The following KDM2A variants were observed in gnomAD, a reference collection of about 807,000 sequenced individuals.
KDM2A encodes lysine-specific demethylase 2A.
Under a neutral mutation model 137.3 loss-of-function variants are expected in KDM2A, and 3 were observed. That is an observed-to-expected ratio of 0.02 (90% CI 0.01 to 0.06). KDM2A has a LOEUF of 0.06. Ranked by LOEUF, KDM2A falls within the 10% of genes least tolerant of loss-of-function variation. The pLI is 1.00. For synonymous variants in KDM2A, 512 were observed against 541.5 expected (o/e 0.95, Z 0.76); for missense variants, 738 against 1,510.6 (o/e 0.49, Z 8.48).
Position 67,231,669 on chromosome 11 carries a change from A to C in KDM2A, c.1188A>C (p.Val396=). 1 of 1,613,866 alleles carries C rather than the reference A, an allele frequency of 6.2e-7. No homozygotes were observed. Among genetic ancestry groups the C allele is most frequent in the Non-Finnish European group, 8.5e-7 (1 of 1,179,844 alleles). Residue 396 remains valine, a synonymous_variant, in exon 12 of 21, where the codon GTA becomes GTC. Coordinates refer to ENST00000529006, the MANE Select transcript of KDM2A (RefSeq NM_012308.3). ...SSRRSVLTSP[V]ANGVNLDYDG... ...GGCGTTCTGTCCTCACTAGCCCTGTAGCGAATGGAGTCAACCTGGATTATG... is the reference window on the plus strand; with the variant it reads ...GGCGTTCTGTCCTCACTAGCCCTGTCGCGAATGGAGTCAACCTGGATTATG...
In KDM2A at chr11:67,245,719, C is replaced by G; in HGVS notation, c.1833+261C>G. The G allele has an allele frequency of 1.7e-6, 1 of 602,178 alleles. No homozygotes were observed. Among genetic ancestry groups the G allele is most frequent in the African/African-American group, 1.9e-5 (1 of 54,042 alleles). The allele number at this position is 602,178 out of a possible 1,614,324, so 37.3% of individuals were successfully genotyped here. On this transcript the variant is annotated intron_variant, in intron 14 of 20. Transcript: ENST00000529006. This position sits in a 1 kb window ranked among gnomAD's most constrained non-coding sequence, Gnocchi z 4.1. ...AGGGCAAATCATTGCTTTCTTTCCC[C>G]TCTTCAGGTAGATTAGAAAGGACCG...
chr11:67,193,005 G>T (rs950136043), intron 5 of KDM2A, among the ~76,000 whole-genome samples: 18 of 151,860 alleles, frequency 1.2e-4, no homozygotes, highest in Admixed American at 2.0e-4. Flanking sequence ...TTTTGGCTAG[G>T]GGGTATCAGA....
At chr11:67,251,480 T>C (rs1859426217) in intron 17 of KDM2A, among the ~76,000 whole-genome samples, 1 of 152,254 alleles carries the variant, frequency 6.6e-6, no homozygotes, top group African/African-American at 2.4e-5. Context: ...TGGTTTTTCC[T>C]TAAACTCTGG....
intron 2 of KDM2A, among the ~76,000 whole-genome samples, chr11:67,140,773 A>G (rs1856082234): frequency 6.6e-6 from 1 of 152,062 alleles, no homozygotes; most frequent in Non-Finnish European, 1.5e-5. Context: ...AGTTACAAGT[A>G]TACTTTTGAT....
intron 5 of KDM2A, among the ~76,000 whole-genome samples, chr11:67,204,384 AATCT>A: frequency 6.6e-6 from 1 of 152,208 alleles, no homozygotes; most frequent in Non-Finnish European, 1.5e-5. Flanking sequence ...GGCAACAACA[AATCT>A]ATTCTGTCTT....
chr11:67,235,164 AAAAG>A (rs1224667371), intron 12 of KDM2A, among the ~76,000 whole-genome samples: 2 of 151,734 alleles, frequency 1.3e-5, no homozygotes, highest in Non-Finnish European at 2.9e-5. Flanking sequence ...AAAAAAAGAA[AAAAG>A]AAAGGAAGTA....
chr11:67,233,004 C>T (rs1858762302), intron 12 of KDM2A, among the ~76,000 whole-genome samples: 1 of 152,052 alleles, frequency 6.6e-6, no homozygotes, highest in Non-Finnish European at 1.5e-5. Context: ...GCCTCCACAC[C>T]CAACCTTGAG....
At position 67,252,552 on chromosome 11, in the gene KDM2A, AAAT is replaced by A; in HGVS notation, c.2769-141_2769-139del. ...TTTTTTGCCTATTCTGTGAGGCAAAAAATGATAAGGTGTGATCCCTGTACACTT... is the reference window on the plus strand; with the variant it reads ...TTTTTTGCCTATTCTGTGAGGCAAAAGATAAGGTGTGATCCCTGTACACTT... On this transcript the variant is annotated intron_variant, in intron 17 of 20. Coordinates refer to ENST00000529006, the MANE Select transcript of KDM2A (RefSeq NM_012308.3). 4.2e-6 allele frequency: 4 copies of A among 942,668 alleles called. No homozygotes were observed. In the South Asian group the frequency reaches 5.8e-5, roughly 14 times the overall value. 58.4% of individuals were successfully genotyped at this position (942,668 alleles called of 1,614,324 possible).
intron 5 of KDM2A, among the ~76,000 whole-genome samples, chr11:67,189,167 A>G (rs1857283389): frequency 6.6e-6 from 1 of 152,256 alleles, no homozygotes; most frequent in South Asian, 2.1e-4. Flanking sequence ...GTTAGGCTAC[A>G]GATTAAATAT....
At chr11:67,247,072 T>TATATATATATATATATATA (rs1491570916) in intron 15 of KDM2A, among the ~76,000 whole-genome samples, 1 of 18,354 alleles carries the variant, frequency 5.4e-5, no homozygotes, top group African/African-American at 2.0e-4. Flanking sequence ...TATATATATA[T>TATATATATATATATATATA]TTTTTTTTTT....
intron 3 of KDM2A, among the ~76,000 whole-genome samples, chr11:67,180,676 G>A (rs900300971): frequency 2.6e-5 from 4 of 151,322 alleles, no homozygotes; most frequent in Admixed American, 1.3e-4. Flanking sequence ...TTTTGGAGAC[G>A]GAGTCTTGCT....
chr11:67,245,100 C>G lies in KDM2A; in HGVS notation c.1564-89C>G, dbSNP rs1859165140. ...AGATCTGGCCATAGTGGGCCAAGCCCCAGGCTAGGTATGCTACCATGTAAT... is the reference window on the plus strand; with the variant it reads ...AGATCTGGCCATAGTGGGCCAAGCCGCAGGCTAGGTATGCTACCATGTAAT... On this transcript the variant is annotated intron_variant, in intron 13 of 20. Coordinates refer to ENST00000529006, the MANE Select transcript of KDM2A (RefSeq NM_012308.3). The surrounding 1 kb of genome is among the most constrained non-coding windows in gnomAD (Gnocchi z 4.1). The G allele has an allele frequency of 6.8e-7, 1 of 1,472,038 alleles. No homozygotes were observed. The highest frequency in any genetic ancestry group is 1.9e-5 in the Admixed American group (1 of 53,734). 91.2% of individuals were successfully genotyped at this position (1,472,038 alleles called of 1,614,324 possible). A position where few individuals can be genotyped will look rare whatever the true frequency, so the allele number is the denominator to read the frequency against.
At chr11:67,144,789 C>T (rs1318737004) in intron 2 of KDM2A, among the ~76,000 whole-genome samples, 1 of 151,758 alleles carries the variant, frequency 6.6e-6, no homozygotes, top group African/African-American at 2.4e-5. Flanking sequence ...TGGTCTTGAA[C>T]TCCTGGCCTC....
chr11:67,225,498 C>T (rs564029954), intron 10 of KDM2A, among the ~76,000 whole-genome samples: 15 of 151,366 alleles, frequency 9.9e-5, no homozygotes, highest in Non-Finnish European at 1.9e-4. Context: ...TGGCCAGTCA[C>T]GCTGGCTCAC....
chr11:67,157,435 T>C (rs1856542964), intron 2 of KDM2A, among the ~76,000 whole-genome samples: 1 of 151,270 alleles, frequency 6.6e-6, no homozygotes, highest in African/African-American at 2.4e-5. Flanking sequence ...AGCAAAAAAA[T>C]TCCTGGTTTC....
rs1178664695 is a variant in KDM2A at position 67,245,003 on chromosome 11, G to T, written c.1564-186G>T. 5 of 492,266 alleles carry T rather than the reference G, an allele frequency of 1.0e-5. No individual in the cohort carries two copies. Among genetic ancestry groups the T allele is most frequent in the Non-Finnish European group, 1.7e-5 (5 of 286,364 alleles). The allele number at this position is 492,266 out of a possible 1,614,324, so 30.5% of individuals were successfully genotyped here. A position where few individuals can be genotyped will look rare whatever the true frequency, so the allele number is the denominator to read the frequency against. ...TCTGTCTCAAAAAAAAAAAAAAAAA[G>T]CAGCCATTGATAATACATACACAAG... On this transcript the variant is annotated intron_variant, in intron 13 of 20. Coordinates refer to ENST00000529006, the MANE Select transcript of KDM2A (RefSeq NM_012308.3). This position sits in a 1 kb window ranked among gnomAD's most constrained non-coding sequence, Gnocchi z 4.1.
At chr11:67,195,076 C>T (rs1857444430) in intron 5 of KDM2A, among the ~76,000 whole-genome samples, 1 of 152,032 alleles carries the variant, frequency 6.6e-6, no homozygotes, top group Admixed American at 6.6e-5. Context: ...GAGGCAATAA[C>T]CTAAAGACAT....
intron 5 of KDM2A, among the ~76,000 whole-genome samples, chr11:67,198,374 G>T: frequency 6.6e-6 from 1 of 150,454 alleles, no homozygotes; most frequent in Non-Finnish European, 1.5e-5. Flanking sequence ...GAGCAAGTCT[G>T]TAGCCGCCAT....
chr11:67,240,489 TA>T, intron 12 of KDM2A: 2 of 789,488 alleles, frequency 2.5e-6, no homozygotes, highest in Non-Finnish European at 3.9e-6. Flanking sequence ...AATGCTATGT[TA>T]CTTCGTGTTG....
Sources: gnomAD v4.1 joint callset for allele counts (sites outside exome capture counted in the v4.1 genomes callset) on GRCh38, gnomAD v4.1.1 for gene constraint, Gnocchi (gnomAD v3.1) non-coding constraint, MANE v1.5 for transcripts, NCBI Gene and HGNC (gene_info 2026-07-23, HGNC 2026-07-21) for gene names.